TMEM268: variants seen among roughly 807,000 people sequenced by gnomAD.
TMEM268 encodes transmembrane protein C9orf91.
In TMEM268, 24 loss-of-function variants were observed where a neutral mutation model predicts 39.1. The observed-to-expected ratio is 0.61, with a 90% CI of 0.44 to 0.86. TMEM268 has a LOEUF of 0.86. TMEM268 is among the 40% of genes least tolerant of loss of function. The pLI is 0.00. For synonymous variants in TMEM268, 176 were observed against 173.5 expected (o/e 1.01, Z -0.12); for missense variants, 409 against 428.6 (o/e 0.95, Z 0.40).
chr9:114,619,811 A>G (rs1845874393), intron 2 of TMEM268, among the ~76,000 whole-genome samples: 2 of 152,188 alleles, frequency 1.3e-5, no homozygotes, highest in African/African-American at 4.8e-5. Flanking sequence ...AAGCCCAAGC[A>G]TAGTGCCTGG....
chr9:114,637,749 C>T (rs1267239244), intron 7 of TMEM268, among the ~76,000 whole-genome samples: 2 of 152,140 alleles, frequency 1.3e-5, no homozygotes, highest in African/African-American at 2.4e-5. Context: ...AAACAGGCTC[C>T]GGGATGACCT....
In TMEM268 at chr9:114,616,206, G is replaced by A. The variant is rs1349612481; in HGVS notation, c.-78-912G>A. 3.3e-5 allele frequency among the ~76,000 whole-genome samples: 5 copies of A among 151,138 alleles called. No individual in the cohort carries two copies. In the South Asian group the frequency reaches 6.3e-4, roughly 19 times the overall value. On this transcript the variant is annotated intron_variant, in intron 1 of 8. Transcript: ENST00000288502. ...AATTTTTTGTATTTTTAGTAGAGACGGGGTTTCCCCATGTTAGCCAGGATG... is the reference window on the plus strand; with the variant it reads ...AATTTTTTGTATTTTTAGTAGAGACAGGGTTTCCCCATGTTAGCCAGGATG...
chr9:114,635,356 A>T (rs966028728), intron 6 of TMEM268, among the ~76,000 whole-genome samples: 4 of 151,684 alleles, frequency 2.6e-5, no homozygotes, highest in South Asian at 2.1e-4. Flanking sequence ...TCTCAAAAAA[A>T]AAAAATAAAA....
chr9:114,617,010 G>A (rs150890515), intron 1 of TMEM268, 108 bp from the exon 2 acceptor site: 7 of 491,984 alleles, frequency 1.4e-5, no homozygotes, highest in South Asian at 3.7e-5. Context: ...AAAAGAGTCC[G>A]GGTAACTCTC....
At chr9:114,616,042 G>C (rs1227950107) in intron 1 of TMEM268, among the ~76,000 whole-genome samples, 1 of 126,542 alleles carries the variant, frequency 7.9e-6, no homozygotes, top group Admixed American at 8.4e-5. Context: ...TTGAGACGGA[G>C]TCTTGCTCTG....
At chr9:114,635,118 A>T (rs1846574787) in intron 6 of TMEM268, among the ~76,000 whole-genome samples, 1 of 152,100 alleles carries the variant, frequency 6.6e-6, no homozygotes, top group South Asian at 2.1e-4. Flanking sequence ...AGGCGGATGG[A>T]TTGCCTGAGC....
chr9:114,639,039 C>A (rs2900590), intron 8 of TMEM268, among the ~76,000 whole-genome samples: 1 of 152,016 alleles, frequency 6.6e-6, no homozygotes, highest in East Asian at 1.9e-4. Flanking sequence ...CATGAACATA[C>A]TGATGAACAT....
upstream of TMEM268, among the ~76,000 whole-genome samples, chr9:114,606,416 A>G (rs969520225): frequency 2.6e-5 from 4 of 152,164 alleles, no homozygotes; most frequent in Admixed American, 2.0e-4. Context: ...CAGTTAGTCT[A>G]CCTCTCCCAT....
chr9:114,631,330 G>T (rs1846390540), intron 5 of TMEM268, among the ~76,000 whole-genome samples: 2 of 150,944 alleles, frequency 1.3e-5, no homozygotes, highest in South Asian at 4.2e-4. Context: ...GTAAAGGCAG[G>T]CAAGTCCTGG....
At chr9:114,620,073 G>T (rs1845886579) in intron 2 of TMEM268, among the ~76,000 whole-genome samples, 1 of 151,926 alleles carries the variant, frequency 6.6e-6, no homozygotes, top group South Asian at 2.1e-4. Context: ...AAATTAGCCG[G>T]GTGTGGTGGC....
chr9:114,630,548 C>T (rs77433075), intron 5 of TMEM268, among the ~76,000 whole-genome samples: 7,156 of 152,234 alleles, frequency 0.047, 216 homozygotes, highest in East Asian at 0.13. Flanking sequence ...GGCAGGATAC[C>T]GCCGCCATTT....
At position 114,631,282 on chromosome 9, in the gene TMEM268, CAAAAAAAAAA is replaced by C. The variant is rs3035421; in HGVS notation, c.475-2471_475-2462del. Among the ~76,000 whole-genome samples the C allele has an allele frequency of 7.9e-3, 1,034 of 130,088 alleles. 3 individuals are homozygous for C. Among genetic ancestry groups the C allele is most frequent in the Middle Eastern group, 0.013 (3 of 236 alleles). 85.3% of individuals were successfully genotyped at this position (130,088 alleles called of 152,430 possible). On this transcript the variant is annotated intron_variant, in intron 5 of 8. Transcript: ENST00000288502. ...GGCAACATTATACTCCAGCCTGCCT[CAAAAAAAAAA>C]AAAAAAAAAAAAAAGATTGGCTGGT...
chr9:114,614,575 G>A (rs943091488), intron 1 of TMEM268, among the ~76,000 whole-genome samples: 4 of 152,380 alleles, frequency 2.6e-5, no homozygotes, highest in South Asian at 4.1e-4. Context: ...CCTCTAGGGG[G>A]CCTGATCAGT....
intron 6 of TMEM268, among the ~76,000 whole-genome samples, chr9:114,635,204 G>A (rs536718619): frequency 2.0e-4 from 31 of 152,094 alleles, no homozygotes; most frequent in Admixed American, 5.9e-4. Context: ...TTAGCAGGGC[G>A]TGGCAGTGTG....
chr9:114,604,585 CAAAAAAAAAA>C, the TMEM268 span, among the ~76,000 whole-genome samples: 1 of 81,666 alleles, frequency 1.2e-5, no homozygotes, highest in African/African-American at 5.2e-5. Context: ...GACTCCGTCT[CAAAAAAAAAA>C]AAAAAAAAAA....
At chr9:114,609,312 AAAACAAAC>A (rs200839078), upstream of TMEM268, among the ~76,000 whole-genome samples, 7,950 of 149,986 alleles carry the variant, frequency 0.053, 239 homozygotes, top group East Asian at 0.14. Context: ...CCCCATCTCA[AAAACAAAC>A]AAACAAACAA....
chr9:114,632,735 C>T (rs1846454737), intron 5 of TMEM268, among the ~76,000 whole-genome samples: 1 of 152,214 alleles, frequency 6.6e-6, no homozygotes, highest in Non-Finnish European at 1.5e-5. Flanking sequence ...GATCTCCCAT[C>T]TTCCGCAAAT....
At chr9:114,623,638 G>A (rs543920498) in intron 2 of TMEM268, among the ~76,000 whole-genome samples, 7 of 152,212 alleles carry the variant, frequency 4.6e-5, no homozygotes, top group African/African-American at 9.6e-5. Flanking sequence ...CAAAGCGATC[G>A]ATGCCACATC....
Position 114,643,394 on chromosome 9 carries a change from C to T in TMEM268, c.*81C>T. The T allele has an allele frequency of 1.5e-6, 2 of 1,326,550 alleles. No homozygotes were observed. Among genetic ancestry groups the T allele is most frequent in the East Asian group, 4.6e-5 (2 of 43,020 alleles). 82.2% of individuals were successfully genotyped at this position (1,326,550 alleles called of 1,614,324 possible). ...GGAGCCCAAGATGGCCAATGGGGAG[C>T]CCCAGGTGAGGAGAGAAGCATCTGG... On this transcript the variant is annotated 3_prime_UTR_variant, in exon 9 of 9. Transcript: ENST00000288502.
Sources: allele counts gnomAD v4.1 joint callset (sites outside exome capture counted in the v4.1 genomes callset), GRCh38; gene constraint gnomAD v4.1.1; transcripts MANE v1.5; gene names NCBI Gene and HGNC (gene_info 2026-07-23, HGNC 2026-07-21).